Variants in TRHDE observed in about 807,000 individuals in gnomAD.
TRHDE encodes thyrotropin releasing hormone degrading enzyme.
In TRHDE, 72 loss-of-function variants were observed where a neutral mutation model predicts 125.7. The observed-to-expected ratio is 0.57, with a 90% confidence interval of 0.47 to 0.70. The LOEUF (loss-of-function observed/expected upper bound fraction) is 0.70. Among genes scored for constraint, TRHDE ranks in the 30% least tolerant of loss-of-function variants. The pLI is 0.00. For missense variants in TRHDE, 1,110 were observed against 1,327.1 expected (o/e 0.84, Z 2.54); for synonymous variants, 509 against 509.1 (o/e 1.00, Z 0.00).
chr12:72,486,206 C>CTGGG (rs1181196733), intron 5 of TRHDE, among the ~76,000 whole-genome samples: 2 of 152,162 alleles, frequency 1.3e-5, no homozygotes, highest in Admixed American at 6.5e-5. Flanking sequence ...TACCTCAGAG[C>CTGGG]AACAGTTCTT....
intron 5 of TRHDE, among the ~76,000 whole-genome samples, chr12:72,488,694 G>C (rs186839059): frequency 6.6e-6 from 1 of 151,908 alleles, no homozygotes; most frequent in Admixed American, 6.6e-5. Context: ...AATAGCAGCT[G>C]AATATACATT....
chr12:72,510,879 G>T (rs1266076141), intron 6 of TRHDE, among the ~76,000 whole-genome samples: 1 of 152,078 alleles, frequency 6.6e-6, no homozygotes, highest in Non-Finnish European at 1.5e-5. Flanking sequence ...CTATAGAAAA[G>T]GCTAAAGAAC....
chr12:72,627,605 C>A (rs1283586322), intron 15 of TRHDE, among the ~76,000 whole-genome samples: 1 of 151,886 alleles, frequency 6.6e-6, no homozygotes, highest in African/African-American at 2.4e-5. Flanking sequence ...CTCCATCCCT[C>A]ATTGTGGACA....
intron 2 of TRHDE, among the ~76,000 whole-genome samples, chr12:72,133,451 G>C (rs1288421320): frequency 6.6e-6 from 1 of 152,198 alleles, no homozygotes; most frequent in Non-Finnish European, 1.5e-5. Flanking sequence ...TGGAAGAGAG[G>C]GAGGAGGTGC....
chr12:72,160,407 G>A (rs780840149), intron 2 of TRHDE, among the ~76,000 whole-genome samples: 16 of 152,124 alleles, frequency 1.1e-4, no homozygotes, highest in Admixed American at 2.0e-4. Context: ...ACCTCCTCGC[G>A]GGCATGGTGG....
chr12:72,211,767 CAA>C (rs1877787589), intron 2 of TRHDE, among the ~76,000 whole-genome samples: 1 of 151,924 alleles, frequency 6.6e-6, no homozygotes, highest in Admixed American at 6.6e-5. Context: ...AGTATTTTAA[CAA>C]AAAAGACTAA....
intron 15 of TRHDE, among the ~76,000 whole-genome samples, chr12:72,649,287 TA>T (rs376687856): frequency 0.012 from 1,727 of 141,380 alleles, 34 homozygotes; most frequent in African/African-American, 0.041. Flanking sequence ...CACAAAAAGA[TA>T]AAAAAAAAAA....
chr12:72,125,991 C>T (rs1016067360), intron 2 of TRHDE, among the ~76,000 whole-genome samples: 2 of 151,878 alleles, frequency 1.3e-5, no homozygotes, highest in Non-Finnish European at 2.9e-5. Context: ...AAAAATAAAA[C>T]AAAACAAAAC....
intron 1 of TRHDE, among the ~76,000 whole-genome samples, chr12:72,094,688 A>G (rs1874871322): frequency 6.6e-6 from 1 of 152,262 alleles, no homozygotes; most frequent in Non-Finnish European, 1.5e-5. Flanking sequence ...GCATGACTGC[A>G]TCTGGGTTCC....
chr12:72,338,959 A>C (rs375969151), intron 2 of TRHDE, among the ~76,000 whole-genome samples: 7 of 152,350 alleles, frequency 4.6e-5, no homozygotes, highest in African/African-American at 1.7e-4. Context: ...ATCATATTAA[A>C]GTAAACCAAT....
At chr12:72,114,658 G>A (rs201500962) in intron 2 of TRHDE, among the ~76,000 whole-genome samples, 127 of 152,166 alleles carry the variant, frequency 8.3e-4, no homozygotes, top group African/African-American at 2.9e-3. Flanking sequence ...GGACCTTCAC[G>A]GTTCAGGGGT....
At chr12:72,625,617 A>C (rs1295570621) in intron 15 of TRHDE, among the ~76,000 whole-genome samples, 5 of 151,916 alleles carry the variant, frequency 3.3e-5, no homozygotes, top group South Asian at 4.1e-4. Context: ...TTTCTTTACT[A>C]TATTGAGCAT....
In TRHDE at chr12:72,663,063, C is replaced by G; in HGVS notation, c.3078C>G (p.Phe1026Leu). 1 of 1,609,446 alleles carries G rather than the reference C, an allele frequency of 6.2e-7. No homozygotes were observed. The change falls in exon 19 of 19, where the codon TTC becomes TTG. Residue 1026 changes from phenylalanine (F) to leucine (L), a missense_variant. Transcript: ENST00000261180. ...ATTTCTCTTTCCAGCTCAAGAACTT[C>G]ATGAAAAACTATGATGGGGTAGCTG... ...TEGELKELKNFMKNYDGVAAA... is the reference protein window; with the variant it reads ...TEGELKELKNLMKNYDGVAAA...
At chr12:72,213,912 A>G (rs539756305) in intron 2 of TRHDE, among the ~76,000 whole-genome samples, 1 of 152,168 alleles carries the variant, frequency 6.6e-6, no homozygotes, top group Non-Finnish European at 1.5e-5. Flanking sequence ...TTCCATATGC[A>G]TATTTAGTAT....
intron 2 of TRHDE, among the ~76,000 whole-genome samples, chr12:72,115,949 G>C (rs1476492193): frequency 6.6e-6 from 1 of 152,098 alleles, no homozygotes; most frequent in Non-Finnish European, 1.5e-5. Flanking sequence ...CTATCAACCT[G>C]TCATCTAGGT....
At chr12:72,123,038 G>A (rs1875629344) in intron 2 of TRHDE, among the ~76,000 whole-genome samples, 1 of 152,108 alleles carries the variant, frequency 6.6e-6, no homozygotes, top group Admixed American at 6.6e-5. Context: ...TAATCTGGTA[G>A]ATAAATCAAC....
At chr12:72,547,323 C>A (rs1025268655) in intron 7 of TRHDE, among the ~76,000 whole-genome samples, 2 of 151,642 alleles carry the variant, frequency 1.3e-5, no homozygotes, top group African/African-American at 2.4e-5. Flanking sequence ...GAAATCAAAT[C>A]AACAATTACC....
intron 6 of TRHDE, among the ~76,000 whole-genome samples, chr12:72,534,063 G>A (rs1868720227): frequency 1.3e-5 from 2 of 152,082 alleles, no homozygotes; most frequent in Admixed American, 1.3e-4. Context: ...CTGGATTGCT[G>A]ATTTGAAACT....
chr12:72,366,592 G>A (rs994139557), intron 2 of TRHDE, among the ~76,000 whole-genome samples: 2 of 151,966 alleles, frequency 1.3e-5, no homozygotes, highest in African/African-American at 2.4e-5. Context: ...TGAAAAGACC[G>A]AGCCAATGGT....
Sources: gnomAD v4.1 joint callset for allele counts (sites outside exome capture counted in the v4.1 genomes callset) on GRCh38, gnomAD v4.1.1 for gene constraint, MANE v1.5 for transcripts, NCBI Gene and HGNC (gene_info 2026-07-23, HGNC 2026-07-21) for gene names.